FHIT: variants seen among roughly 807,000 people sequenced by gnomAD.
FHIT encodes bis(5'-adenosyl)-triphosphatase.
In FHIT, 19 loss-of-function variants were observed where a neutral mutation model predicts 17.9. The observed-to-expected ratio is 1.06, with a 90% CI of 0.74 to 1.56. FHIT has a LOEUF of 1.56. Among genes scored for constraint, FHIT ranks in the 40% most tolerant of loss-of-function variants. The pLI, the probability that FHIT is intolerant of heterozygous loss-of-function variation, is 0.00. For missense variants in FHIT, 248 were observed against 189.2 expected, an observed-to-expected ratio of 1.31 and a Z score of -1.82; for synonymous variants, 81 against 69.7, an observed-to-expected ratio of 1.16 and a Z score of -0.81.
At chr3:60,996,505 A>G (rs2107594607) in intron 3 of FHIT, among the ~76,000 whole-genome samples, 1 of 152,328 alleles carries the variant, frequency 6.6e-6, no homozygotes, top group Non-Finnish European at 1.5e-5. Flanking sequence ...CTCAACCTAA[A>G]TACTATTGCT....
chr3:60,855,375 A>G (rs1703339821), intron 3 of FHIT, among the ~76,000 whole-genome samples: 1 of 152,142 alleles, frequency 6.6e-6, no homozygotes, highest in African/African-American at 2.4e-5. Flanking sequence ...AAGAGGAGAA[A>G]GCCTTTTCTT....
At chr3:60,131,850 G>T (rs1016978955) in intron 5 of FHIT, among the ~76,000 whole-genome samples, 2 of 151,942 alleles carry the variant, frequency 1.3e-5, no homozygotes, top group African/African-American at 4.8e-5. Context: ...AATCACATAG[G>T]TCCCTTCCTC....
intron 5 of FHIT, among the ~76,000 whole-genome samples, chr3:60,191,093 C>G (rs1188277496): frequency 6.6e-6 from 1 of 151,650 alleles, no homozygotes; most frequent in Non-Finnish European, 1.5e-5. Flanking sequence ...AGGCAGTATC[C>G]CACAATTAAA....
At chr3:60,124,509 A>T (rs1015790860) in intron 5 of FHIT, among the ~76,000 whole-genome samples, 1 of 152,126 alleles carries the variant, frequency 6.6e-6, no homozygotes, top group Non-Finnish European at 1.5e-5. Context: ...CAGCTCCATT[A>T]TCCTGCATCC....
chr3:60,709,196 C>G (rs2041452058), intron 4 of FHIT, among the ~76,000 whole-genome samples: 1 of 152,090 alleles, frequency 6.6e-6, no homozygotes, highest in Non-Finnish European at 1.5e-5. Context: ...TTTAAAATGA[C>G]AGTAATAACC....
chr3:60,675,063 G>A (rs1269216237), intron 4 of FHIT, among the ~76,000 whole-genome samples: 2 of 152,200 alleles, frequency 1.3e-5, no homozygotes, highest in Non-Finnish European at 2.9e-5. Context: ...TAGGCAGAAA[G>A]CCAAGGTGAA....
At chr3:60,281,239 G>C (rs1209820814) in intron 5 of FHIT, among the ~76,000 whole-genome samples, 3 of 152,116 alleles carry the variant, frequency 2.0e-5, no homozygotes, top group Non-Finnish European at 4.4e-5. Context: ...TGGATAGGAA[G>C]ACTTGATACT....
chr3:59,802,810 T>C (rs1017000267), intron 8 of FHIT, among the ~76,000 whole-genome samples: 3 of 152,208 alleles, frequency 2.0e-5, no homozygotes, highest in African/African-American at 4.8e-5. Flanking sequence ...TCACTACTGC[T>C]ATAATCCTAG....
chr3:59,767,901 C>T (rs1417824424), intron 8 of FHIT, among the ~76,000 whole-genome samples: 1 of 152,188 alleles, frequency 6.6e-6, no homozygotes, highest in Non-Finnish European at 1.5e-5. Flanking sequence ...CTAAGCAATA[C>T]AGACTAAATT....
intron 5 of FHIT, among the ~76,000 whole-genome samples, chr3:60,361,410 T>A (rs1443874963): frequency 6.6e-6 from 1 of 152,132 alleles, no homozygotes; most frequent in Non-Finnish European, 1.5e-5. Flanking sequence ...AAATCCTGTG[T>A]TTTATAAGTA....
intron 2 of FHIT, among the ~76,000 whole-genome samples, chr3:61,042,727 C>A (rs762515371): frequency 6.6e-6 from 1 of 151,618 alleles, no homozygotes; most frequent in Non-Finnish European, 1.5e-5. Context: ...GTAATGCCAG[C>A]TACTTGGGAG....
chr3:59,957,864 T>C (rs1489638841), intron 7 of FHIT, among the ~76,000 whole-genome samples: 1 of 152,226 alleles, frequency 6.6e-6, no homozygotes, highest in Non-Finnish European at 1.5e-5. Context: ...GACATTTCCA[T>C]ACTCAGTAAA....
chr3:61,060,916 G>C (rs941127044), intron 2 of FHIT, among the ~76,000 whole-genome samples: 1 of 152,114 alleles, frequency 6.6e-6, no homozygotes, highest in Non-Finnish European at 1.5e-5. Flanking sequence ...AGTTACCCTG[G>C]TTTCCTAAGC....
At chr3:60,012,415 T>C (rs1252523381) in intron 6 of FHIT, among the ~76,000 whole-genome samples, 1 of 151,772 alleles carries the variant, frequency 6.6e-6, no homozygotes, top group Non-Finnish European at 1.5e-5. Context: ...ACTACAGGCA[T>C]GCACCATCAT....
chr3:60,798,683 T>C (rs1701075856), intron 4 of FHIT, among the ~76,000 whole-genome samples: 1 of 151,086 alleles, frequency 6.6e-6, no homozygotes, highest in Non-Finnish European at 1.5e-5. Flanking sequence ...TAAATTCTAG[T>C]GCACATCCAT....
At chr3:59,762,390 A>G (rs1343986940) in intron 8 of FHIT, among the ~76,000 whole-genome samples, 1 of 152,160 alleles carries the variant, frequency 6.6e-6, no homozygotes, top group Non-Finnish European at 1.5e-5. Flanking sequence ...TTTCCTCCCA[A>G]TATACTGGCT....
chr3:60,329,395 A>G (rs1709854453), intron 5 of FHIT, among the ~76,000 whole-genome samples: 2 of 152,202 alleles, frequency 1.3e-5, no homozygotes, highest in African/African-American at 4.8e-5. Flanking sequence ...CTACTAGAGG[A>G]TTCTAACAAG....
At chr3:60,620,493 G>A (rs2039090350) in intron 4 of FHIT, among the ~76,000 whole-genome samples, 1 of 151,816 alleles carries the variant, frequency 6.6e-6, no homozygotes, top group Non-Finnish European at 1.5e-5. Context: ...GCCACAGAAA[G>A]ACATGGAGTT....
At chr3:60,108,019 T>C (rs1248975519) in intron 5 of FHIT, among the ~76,000 whole-genome samples, 1 of 152,210 alleles carries the variant, frequency 6.6e-6, no homozygotes, top group Non-Finnish European at 1.5e-5. Context: ...AAAACCTCTT[T>C]AAACTTTTCT....
Sources: allele counts gnomAD v4.1 joint callset (sites outside exome capture counted in the v4.1 genomes callset), GRCh38; gene constraint gnomAD v4.1.1; transcripts MANE v1.5; gene names NCBI Gene and HGNC (gene_info 2026-07-23, HGNC 2026-07-21).